The following UNC13C variants were observed in gnomAD, a reference collection of about 807,000 sequenced individuals.
UNC13C encodes the protein unc-13 homolog C.
Under a neutral mutation model 245.4 loss-of-function variants are expected in UNC13C, and 174 were observed. The observed-to-expected ratio is 0.71, with a 90% CI of 0.63 to 0.80. The LOEUF (loss-of-function observed/expected upper bound fraction) is 0.80. Ranked by LOEUF, UNC13C falls within the 30% of genes least tolerant of loss-of-function variation. The pLI, the probability that UNC13C is intolerant of heterozygous loss-of-function variation, is 0.00. For synonymous variants in UNC13C, 992 were observed against 895.1 expected (o/e 1.11, Z -1.93); for missense variants, 2,829 against 2,602.9 (o/e 1.09, Z -1.89).
chr15:54,489,638 A>G (rs1893604707), intron 19 of UNC13C, among the ~76,000 whole-genome samples: 1 of 152,212 alleles, frequency 6.6e-6, no homozygotes, highest in Non-Finnish European at 1.5e-5. Context: ...TCAATCATAC[A>G]GCAAGGAAGG....
At chr15:54,394,773 A>C (rs2040036058) in intron 18 of UNC13C, among the ~76,000 whole-genome samples, 1 of 151,920 alleles carries the variant, frequency 6.6e-6, no homozygotes, top group South Asian at 2.1e-4. Context: ...TTGATCAGTA[A>C]AAATACATTA....
chr15:54,571,538 G>A (rs1437959317), intron 30 of UNC13C, among the ~76,000 whole-genome samples: 2 of 152,172 alleles, frequency 1.3e-5, no homozygotes, highest in Admixed American at 6.5e-5. Context: ...CCAAATAACT[G>A]TCTAGGACTT....
rs751193922 is a variant in UNC13C, at chr15:54,487,666, CT to C, written c.4934-6941del. On this transcript the variant is annotated intron_variant, in intron 19 of 32. Coordinates refer to ENST00000260323, the MANE Select transcript of UNC13C (RefSeq NM_001080534.3). ...CCTGTAATCTCAATGACTTGGTAGGCTGAGGCAGGATAATTGCTTGACCTCA... is the reference window on the plus strand; with the variant it reads ...CCTGTAATCTCAATGACTTGGTAGGCGAGGCAGGATAATTGCTTGACCTCA... Among the ~76,000 whole-genome samples the C allele has an allele frequency of 4.7e-5, 7 of 149,500 alleles. 1 individual carries two copies. Among genetic ancestry groups the C allele is most frequent in the East Asian group, 2.0e-4 (1 of 4,936 alleles).
At chr15:53,961,776 T>A in the UNC13C span, among the ~76,000 whole-genome samples, 1 of 152,180 alleles carries the variant, frequency 6.6e-6, no homozygotes, top group Non-Finnish European at 1.5e-5. Flanking sequence ...CACACACATA[T>A]GAGATAATTC....
intron 26 of UNC13C, among the ~76,000 whole-genome samples, chr15:54,534,908 A>G (rs1895922818): frequency 6.6e-6 from 1 of 152,216 alleles, no homozygotes; most frequent in South Asian, 2.1e-4. Flanking sequence ...TCCCTAAGGG[A>G]GTGCTAAACA....
upstream of UNC13C, among the ~76,000 whole-genome samples, chr15:53,974,293 A>T (rs1893631484): frequency 6.6e-6 from 1 of 152,188 alleles, no homozygotes; most frequent in South Asian, 2.1e-4. Flanking sequence ...CACCATTTGG[A>T]CCAAGAAATA....
intron 30 of UNC13C, among the ~76,000 whole-genome samples, chr15:54,612,653 A>G (rs1900178177): frequency 6.6e-6 from 1 of 151,946 alleles, no homozygotes; most frequent in Admixed American, 6.6e-5. Flanking sequence ...CTAATTTCGC[A>G]CAGTCTTATT....
chr15:54,346,083 T>C (rs2038853871), intron 17 of UNC13C, among the ~76,000 whole-genome samples: 1 of 152,186 alleles, frequency 6.6e-6, no homozygotes. Context: ...ACTGCACTTA[T>C]CACGGTGAAT....
chr15:54,059,571 A>T (rs542454441), intron 2 of UNC13C, among the ~76,000 whole-genome samples: 3 of 152,328 alleles, frequency 2.0e-5, no homozygotes, highest in African/African-American at 7.2e-5. Flanking sequence ...TGCCATCCCC[A>T]TCAAGCTACC....
intron 12 of UNC13C, among the ~76,000 whole-genome samples, chr15:54,298,611 A>C (rs2037497032): frequency 2.0e-5 from 3 of 152,122 alleles, no homozygotes; most frequent in African/African-American, 7.2e-5. Context: ...AGAGAGGTAA[A>C]CACCACCCAA....
intron 24 of UNC13C, among the ~76,000 whole-genome samples, chr15:54,519,186 G>A (rs563701): frequency 0.13 from 19,812 of 151,920 alleles, 1,328 homozygotes; most frequent in Non-Finnish European, 0.15. Context: ...AGGACAATCC[G>A]CATGTTAGCA....
chr15:54,495,271 C>T (rs1261604101), intron 20 of UNC13C, among the ~76,000 whole-genome samples: 4 of 151,972 alleles, frequency 2.6e-5, no homozygotes, highest in Non-Finnish European at 5.9e-5. Flanking sequence ...GGGGTCTTCC[C>T]TATGGCAGGC....
chr15:54,502,940 C>G (rs1596484057), intron 22 of UNC13C, among the ~76,000 whole-genome samples: 8 of 152,216 alleles, frequency 5.3e-5, no homozygotes, highest in Admixed American at 5.2e-4. Flanking sequence ...CTTTCTTCAG[C>G]TGTAATACTG....
At chr15:54,403,657 C>A (rs758003667) in intron 18 of UNC13C, among the ~76,000 whole-genome samples, 4 of 126,152 alleles carry the variant, frequency 3.2e-5, no homozygotes, top group Admixed American at 1.1e-4. Flanking sequence ...GCAGAGGCTG[C>A]AGTGAGCCAA....
Position 54,015,390 on chromosome 15 carries a change from A to T in UNC13C, c.2487A>T (p.Leu829Phe). The change falls in exon 2 of 33, where the codon TTA (leucine) becomes TTT (phenylalanine). Residue 829 changes from leucine to phenylalanine, a missense_variant. Leu to Phe is a conservative substitution (Grantham distance 22). Coordinates refer to ENST00000260323, the MANE Select transcript of UNC13C (RefSeq NM_001080534.3). ...LSGYEDSGSS[L>F]MGRFRTLSQS... Reference sequence around the variant, plus strand: ...GGTATGAGGACAGTGGCTCTTCATTAATGGGGAGATTTCGGACATTATCTC... The same window carrying T: ...GGTATGAGGACAGTGGCTCTTCATTTATGGGGAGATTTCGGACATTATCTC... 2 of 1,613,778 alleles carry T rather than the reference A, an allele frequency of 1.2e-6. No homozygotes were observed. The highest frequency in any genetic ancestry group is 1.7e-6 in the Non-Finnish European group (2 of 1,179,828).
At chr15:54,275,453 C>T (rs2036807253) in intron 10 of UNC13C, among the ~76,000 whole-genome samples, 1 of 151,874 alleles carries the variant, frequency 6.6e-6, no homozygotes, top group Non-Finnish European at 1.5e-5. Context: ...TTTTTTGAAC[C>T]ACTTGAATAT....
intron 1 of UNC13C, among the ~76,000 whole-genome samples, chr15:54,003,845 T>C (rs1895012634): frequency 1.3e-5 from 2 of 152,112 alleles, no homozygotes; most frequent in East Asian, 3.9e-4. Context: ...ACCCTGTCTC[T>C]ACTAAAAATA....
chr15:54,184,835 A>G (rs538030405), intron 4 of UNC13C, among the ~76,000 whole-genome samples: 1 of 152,306 alleles, frequency 6.6e-6, no homozygotes, highest in East Asian at 1.9e-4. Context: ...TCCCTGAGCA[A>G]TTGCCACACC....
intron 29 of UNC13C, among the ~76,000 whole-genome samples, chr15:54,555,908 G>C (rs1897069254): frequency 6.6e-6 from 1 of 152,002 alleles, no homozygotes; most frequent in Non-Finnish European, 1.5e-5. Flanking sequence ...GTTTTTATAT[G>C]TTTTCTATGC....
Sources: gnomAD v4.1 joint callset for allele counts (sites outside exome capture counted in the v4.1 genomes callset) on GRCh38, gnomAD v4.1.1 for gene constraint, MANE v1.5 for transcripts, NCBI Gene and HGNC (gene_info 2026-07-23, HGNC 2026-07-21) for gene names.